The following GALNT13 variants were observed in gnomAD, a reference collection of about 807,000 sequenced individuals.
GALNT13 encodes the protein UDP-GalNAc:polypeptide N-acetylgalactosaminyltransferase 13.
GALNT13 carries 28 observed loss-of-function variants against 64.2 expected under a neutral mutation model. The ratio of observed to expected loss-of-function variants is 0.44; its 90% CI spans 0.32 to 0.60. The LOEUF is 0.60. GALNT13 is among the 20% of genes least tolerant of loss of function. The probability of loss-of-function intolerance (pLI) is 0.05; values close to 1 mark genes in which losing one functional copy is unlikely to be tolerated. For missense variants in GALNT13, 577 were observed against 669.8 expected, an observed-to-expected ratio of 0.86 and a Z score of 1.53; for synonymous variants, 214 against 224.6, an observed-to-expected ratio of 0.95 and a Z score of 0.42.
chr2:153,107,335 G>C, the GALNT13 span, among the ~76,000 whole-genome samples: 4 of 152,068 alleles, frequency 2.6e-5, no homozygotes, highest in Non-Finnish European at 5.9e-5. Context: ...TTCCAAATGG[G>C]CTAAAGGAAC....
intron 9 of GALNT13, among the ~76,000 whole-genome samples, chr2:154,393,474 T>A (rs1479681045): frequency 6.6e-6 from 1 of 152,024 alleles, no homozygotes; most frequent in Non-Finnish European, 1.5e-5. Flanking sequence ...GTACATGGAG[T>A]GTTTGTGAGG....
At chr2:153,072,205 A>G in the GALNT13 span, among the ~76,000 whole-genome samples, 1 of 152,186 alleles carries the variant, frequency 6.6e-6, no homozygotes, top group Admixed American at 6.5e-5. Context: ...TCACTGCTAA[A>G]GGCTGTTTAA....
At chr2:153,884,795 A>G (rs112685866) in intron 1 of GALNT13, among the ~76,000 whole-genome samples, 3,597 of 46,452 alleles carry the variant, frequency 0.077, 110 homozygotes, top group Non-Finnish European at 0.092. Context: ...ATGTGTGTGT[A>G]TATATATATA....
At chr2:154,302,712 T>C (rs1171992956) in intron 9 of GALNT13, among the ~76,000 whole-genome samples, 6 of 152,200 alleles carry the variant, frequency 3.9e-5, no homozygotes, top group Admixed American at 3.3e-4. Flanking sequence ...ATATGAGGGA[T>C]ATATTGGTTT....
the GALNT13 span, among the ~76,000 whole-genome samples, chr2:153,129,844 G>C: frequency 6.6e-6 from 1 of 152,002 alleles, no homozygotes; most frequent in Non-Finnish European, 1.5e-5. Flanking sequence ...AGAAACTCTA[G>C]GTCTGCTATT....
intron 4 of GALNT13, among the ~76,000 whole-genome samples, chr2:154,172,994 G>T (rs1209501996): frequency 1.3e-5 from 2 of 151,894 alleles, no homozygotes; most frequent in Non-Finnish European, 2.9e-5. Context: ...TAGAACTACA[G>T]AAGACCCCAA....
chr2:154,276,010 T>C lies in GALNT13; in HGVS notation c.975+16872T>C, dbSNP rs1187774265. On this transcript the variant is annotated intron_variant, in intron 8 of 12. Coordinates refer to ENST00000392825, the MANE Select transcript of GALNT13 (RefSeq NM_052917.4). ...TTGGGCTTGCATTGGGCCTGTAGCTTCTTTGTTTGGGCCAATTTCTCCCAT... is the reference window on the plus strand; with the variant it reads ...TTGGGCTTGCATTGGGCCTGTAGCTCCTTTGTTTGGGCCAATTTCTCCCAT... Among the ~76,000 whole-genome samples, 3 of 152,066 alleles carry C rather than the reference T, an allele frequency of 2.0e-5. No individual in the cohort carries two copies. In the East Asian group the frequency reaches 5.8e-4, roughly 29 times the overall value.
the GALNT13 span, among the ~76,000 whole-genome samples, chr2:153,709,198 A>G: frequency 6.6e-6 from 1 of 151,514 alleles, no homozygotes; most frequent in Non-Finnish European, 1.5e-5. Context: ...ACAATTTACA[A>G]ATTGGGAGAA....
chr2:154,013,317 G>A (rs1696771034), intron 3 of GALNT13, among the ~76,000 whole-genome samples: 1 of 59,584 alleles, frequency 1.7e-5, no homozygotes, highest in Non-Finnish European at 3.6e-5. Flanking sequence ...CAGGGGGCCG[G>A]GAAGCCCCAG....
intron 3 of GALNT13, among the ~76,000 whole-genome samples, chr2:154,110,765 A>G: frequency 6.6e-6 from 1 of 151,908 alleles, no homozygotes; most frequent in Non-Finnish European, 1.5e-5. Context: ...CTTCAATCCA[A>G]TCAAGTAGAC....
chr2:153,578,416 G>T, the GALNT13 span, among the ~76,000 whole-genome samples: 2 of 152,142 alleles, frequency 1.3e-5, no homozygotes, highest in African/African-American at 4.8e-5. Flanking sequence ...AGGCCATGGA[G>T]AAATTAATTT....
chr2:153,943,839 A>G (rs1691521097), intron 2 of GALNT13, among the ~76,000 whole-genome samples: 2 of 152,192 alleles, frequency 1.3e-5, no homozygotes, highest in Non-Finnish European at 2.9e-5. Flanking sequence ...GATGCTTTAT[A>G]AATATGATTC....
the GALNT13 span, among the ~76,000 whole-genome samples, chr2:153,469,100 A>G: frequency 6.6e-6 from 1 of 151,930 alleles, no homozygotes; most frequent in Non-Finnish European, 1.5e-5. Context: ...CTGTCCAAAT[A>G]TAGGAGGACC....
At chr2:153,233,080 T>G in the GALNT13 span, among the ~76,000 whole-genome samples, 39 of 152,344 alleles carry the variant, frequency 2.6e-4, no homozygotes, top group Non-Finnish European at 4.9e-4. Context: ...ACAAATACAC[T>G]TTTTGTTTGG....
chr2:154,380,620 A>G (rs1478787563), intron 9 of GALNT13, among the ~76,000 whole-genome samples: 1 of 152,070 alleles, frequency 6.6e-6, no homozygotes, highest in African/African-American at 2.4e-5. Flanking sequence ...TTCCAAGTGA[A>G]ATCTGAAGAC....
chr2:153,822,482 A>G, the GALNT13 span, among the ~76,000 whole-genome samples: 3 of 152,214 alleles, frequency 2.0e-5, no homozygotes, highest in Non-Finnish European at 4.4e-5. Context: ...AATAAAGGCC[A>G]TATGATTATC....
At chr2:154,115,567 C>A (rs1451081132) in intron 3 of GALNT13, among the ~76,000 whole-genome samples, 1 of 151,934 alleles carries the variant, frequency 6.6e-6, no homozygotes, top group African/African-American at 2.4e-5. Context: ...ATTACAGGCA[C>A]CCACCATGAC....
the GALNT13 span, among the ~76,000 whole-genome samples, chr2:153,112,711 T>C: frequency 1.3e-5 from 2 of 152,208 alleles, 1 homozygote; most frequent in African/African-American, 4.8e-5. Context: ...GAAGAACACA[T>C]TTTAACACCC....
chr2:154,390,720 C>T (rs1698750292), intron 9 of GALNT13, among the ~76,000 whole-genome samples: 1 of 152,030 alleles, frequency 6.6e-6, no homozygotes, highest in Admixed American at 6.6e-5. Context: ...TTAATGAAAC[C>T]TGCAAACCTG....
Sources: gnomAD v4.1 joint callset for allele counts (sites outside exome capture counted in the v4.1 genomes callset) on GRCh38, gnomAD v4.1.1 for gene constraint, MANE v1.5 for transcripts, NCBI Gene and HGNC (gene_info 2026-07-23, HGNC 2026-07-21) for gene names.